Variants in FUCA1 observed in about 807,000 individuals in gnomAD.
FUCA1 encodes tissue alpha-L-fucosidase.
A neutral mutation model predicts 56.8 loss-of-function variants in FUCA1; 52 were observed. The observed-to-expected ratio is 0.92, with a 90% CI of 0.73 to 1.15. The LOEUF (loss-of-function observed/expected upper bound fraction) is 1.15, where lower values mean the gene tolerates loss of function less well. Ranked by LOEUF, FUCA1 falls within the 50% of genes most tolerant of loss-of-function variation. The probability of loss-of-function intolerance (pLI) is 0.00; values close to 1 mark genes in which losing one functional copy is unlikely to be tolerated. For missense variants in FUCA1, 568 were observed against 592.6 expected (o/e 0.96, Z 0.43); for synonymous variants, 230 against 226.6 (o/e 1.02, Z -0.14).
Position 23,865,553 on chromosome 1 carries a change from G to A in FUCA1, c.462C>T (p.Asn154=). ...CCCGATGAGGCCCCACGTCTTTGGA[G>A]TTCCAGTTCCAAGACACAGGACTCG... ...NWPSPVSWNW[N]SKDVGPHRDL... Residue 154 remains asparagine (N), a synonymous_variant, in exon 2 of 8, where the codon AAC becomes AAT. Transcript: ENST00000374479. The A allele has an allele frequency of 6.2e-7, 1 of 1,614,214 alleles. No homozygotes were observed. The highest frequency in any genetic ancestry group is 8.5e-7 in the Non-Finnish European group (1 of 1,180,038).
chr1:23,859,882 C>T lies in FUCA1; in HGVS notation c.684G>A (p.Trp228Ter). 6.2e-7 allele frequency: 1 copy of T among 1,611,630 alleles called. No homozygotes were observed. Among genetic ancestry groups the T allele is most frequent in the Non-Finnish European group, 8.5e-7 (1 of 1,177,804 alleles). The change falls in exon 4 of 8, where the codon TGG (tryptophan) becomes TGA (stop). Residue 228 changes from tryptophan (W) to a stop codon, truncating the protein, a stop_gained. Transcript: ENST00000374479. LOFTEE classifies it high-confidence loss of function. ...CAGGACATTCCCACTCCCCATCAGA[C>T]CAGATCAGATCAGGTTTATAGCTGG... The part of the protein sequence containing the change: ...LVNSYKPDLI[W>*]SDGEWECPDT...
chr1:23,852,893 G>A (rs1161051896), intron 5 of FUCA1, among the ~76,000 whole-genome samples: 1 of 151,702 alleles, frequency 6.6e-6, no homozygotes, highest in Admixed American at 6.6e-5. Context: ...CTGCCCGGCC[G>A]CCACCCCGTC....
intron 2 of FUCA1, among the ~76,000 whole-genome samples, chr1:23,865,036 G>A (rs1247062364): frequency 6.6e-6 from 1 of 152,074 alleles, no homozygotes; most frequent in Admixed American, 6.6e-5. Flanking sequence ...AGTGTTTTAG[G>A]TTTTGCAGGC....
intron 6 of FUCA1, 87 bp from the exon 7 acceptor site, chr1:23,846,260 ATTTTC>A (rs1215568236): frequency 2.1e-5 from 19 of 905,102 alleles, no homozygotes; most frequent in African/African-American, 1.2e-4. Flanking sequence ...TTTAATGTTA[ATTTTC>A]TTTTCTTTTC....
chr1:23,867,791 G>A lies in FUCA1; in HGVS notation c.389+107C>T, dbSNP rs1639655031. ...GCAGGAGGCCACACGCGGGCCCCGG[G>A]GTCATGGGGGCGACCGGCAGCTGCG... is the stretch of plus-strand genomic sequence containing the variant. On this transcript the variant is annotated intron_variant, in intron 1 of 7. Transcript: ENST00000374479. This position sits in a 1 kb window ranked among gnomAD's most constrained non-coding sequence, Gnocchi z 4.9. 7.0e-7 allele frequency: 1 copy of A among 1,437,872 alleles called. No homozygotes were observed. The highest frequency in any genetic ancestry group is 2.6e-5 in the East Asian group (1 of 38,572). 89.1% of individuals were successfully genotyped at this position (1,437,872 alleles called of 1,614,324 possible).
At chr1:23,846,246 C>T in intron 6 of FUCA1, 73 bp from the exon 7 acceptor site, 1 of 961,046 alleles carries the variant, frequency 1.0e-6, no homozygotes, top group Non-Finnish European at 1.7e-6. Context: ...TACATTTCCT[C>T]CTTTTTAATG....
chr1:23,863,349 A>G, intron 2 of FUCA1, 78 bp from the exon 3 acceptor site: 1 of 1,461,686 alleles, frequency 6.8e-7, no homozygotes, highest in Non-Finnish European at 9.3e-7. Context: ...CAGTTCTAGC[A>G]TTTTTTCATT....
At chr1:23,856,568 G>A (rs1443019957) in intron 4 of FUCA1, among the ~76,000 whole-genome samples, 2 of 152,134 alleles carry the variant, frequency 1.3e-5, no homozygotes, top group Non-Finnish European at 2.9e-5. Flanking sequence ...GGCATGCTAC[G>A]GCACCGGCTC....
intron 6 of FUCA1, among the ~76,000 whole-genome samples, chr1:23,846,672 C>T (rs1435710127): frequency 1.3e-5 from 2 of 151,980 alleles, no homozygotes; most frequent in Non-Finnish European, 2.9e-5. Context: ...ACCTCCACTT[C>T]CCAGGTTCAA....
chr1:23,855,856 CA>C (rs1639378954), intron 4 of FUCA1, among the ~76,000 whole-genome samples: 2 of 152,164 alleles, frequency 1.3e-5, no homozygotes, highest in Non-Finnish European at 2.9e-5. Context: ...TCCGCTTATT[CA>C]ATAAGTATTT....
At chr1:23,864,870 A>C (rs1639591553) in intron 2 of FUCA1, among the ~76,000 whole-genome samples, 1 of 151,830 alleles carries the variant, frequency 6.6e-6, no homozygotes, top group Non-Finnish European at 1.5e-5. Flanking sequence ...ACGCCCGGCT[A>C]ATTTTGGTAT....
chr1:23,852,666 C>T (rs1351875583), intron 5 of FUCA1, among the ~76,000 whole-genome samples: 1 of 152,048 alleles, frequency 6.6e-6, no homozygotes, highest in African/African-American at 2.4e-5. Flanking sequence ...TTGGTGGAGA[C>T]GGGGTTTCGC....
intron 5 of FUCA1, among the ~76,000 whole-genome samples, chr1:23,852,972 A>G (rs1177278035): frequency 1.5e-5 from 2 of 137,284 alleles, no homozygotes; most frequent in East Asian, 2.3e-4. Context: ...CTGCCTGGCT[A>G]CCCAGTCTGG....
chr1:23,867,681 CA>C lies in FUCA1; in HGVS notation c.389+216del. ...AGATACCCAGGGCTTCCCAGCCTGC[CA>C]TCTCCCTGAACCTTCATTTATCAGT... On this transcript the variant is annotated intron_variant, in intron 1 of 7. Transcript: ENST00000374479. This position sits in a 1 kb window ranked among gnomAD's most constrained non-coding sequence, Gnocchi z 4.9. 7.2e-6 allele frequency: 7 copies of C among 977,476 alleles called. No homozygotes were observed. Among genetic ancestry groups the C allele is most frequent in the Non-Finnish European group, 8.5e-6 (7 of 822,732 alleles). 60.6% of individuals were successfully genotyped at this position (977,476 alleles called of 1,614,324 possible).
chr1:23,865,506 G>T lies in FUCA1; in HGVS notation c.509C>A (p.Thr170Lys), dbSNP rs756186671. 1.2e-6 allele frequency: 2 copies of T among 1,614,224 alleles called. No homozygotes were observed. Among genetic ancestry groups the T allele is most frequent in the Non-Finnish European group, 1.7e-6 (2 of 1,180,046 alleles). ...PHRDLVGELG[T>K]ALRKRNIRYG... Reference sequence around the variant, plus strand: ...GGACACTCACCTCTTCCGGAGAGCTGTTCCCAATTCACCAACCAAATCCCG... The same window carrying T: ...GGACACTCACCTCTTCCGGAGAGCTTTTCCCAATTCACCAACCAAATCCCG... Residue 170 changes from threonine to lysine, a missense_variant, in exon 2 of 8, where the codon ACA becomes AAA. Transcript: ENST00000374479.
intron 3 of FUCA1, among the ~76,000 whole-genome samples, chr1:23,862,921 T>C (rs1360694622): frequency 6.6e-6 from 1 of 152,230 alleles, no homozygotes; most frequent in Non-Finnish European, 1.5e-5. Flanking sequence ...TGTGTGATTG[T>C]TTCAATGTAG....
intron 2 of FUCA1, 151 bp from the exon 3 acceptor site, chr1:23,863,422 T>C: frequency 1.3e-6 from 1 of 755,596 alleles, no homozygotes; most frequent in East Asian, 2.7e-5. Context: ...TTTCCTTAAA[T>C]TATTCACTAT....
rs746645704 is a variant in FUCA1, at chr1:23,854,326, A to G, written c.969+34T>C. The G allele has an allele frequency of 3.4e-5, 53 of 1,579,618 alleles. 1 individual carries two copies. The highest frequency in any genetic ancestry group is 4.5e-5 in the Non-Finnish European group (52 of 1,153,816). ...AATCATACTGCATGTTAAAAAAAAA[A>G]AAACAAAAACAAAAAACTCAAAGGT... is the stretch of plus-strand genomic sequence containing the variant. On this transcript the variant is annotated intron_variant, in intron 5 of 7. Transcript: ENST00000374479.
Position 23,868,275 on chromosome 1 carries a change from C to T in FUCA1, c.12G>A (p.Pro4=), listed in dbSNP as rs775815377. The change falls in exon 1 of 8, where the codon CCG becomes CCA. Residue 4 remains proline, a synonymous_variant. Coordinates refer to ENST00000374479, the MANE Select transcript of FUCA1 (RefSeq NM_000147.5). ...GACCCGCCGGCCGCGACCTCATCCCCGGAGCCCGCATCGCTACCCCTCAGC... is the reference window on the plus strand; with the variant it reads ...GACCCGCCGGCCGCGACCTCATCCCTGGAGCCCGCATCGCTACCCCTCAGC... MRA[P]GMRSRPAGPA... is the part of the protein sequence containing the mutation. The T allele has an allele frequency of 1.3e-6, 2 of 1,552,024 alleles. No individual in the cohort carries two copies. Among genetic ancestry groups the T allele is most frequent in the Non-Finnish European group, 1.7e-6 (2 of 1,150,942 alleles).
Sources: gnomAD v4.1 joint callset for allele counts (sites outside exome capture counted in the v4.1 genomes callset) on GRCh38, gnomAD v4.1.1 for gene constraint, Gnocchi (gnomAD v3.1) non-coding constraint, MANE v1.5 for transcripts, NCBI Gene and HGNC (gene_info 2026-07-23, HGNC 2026-07-21) for gene names.